The following CA1 variants were observed in gnomAD, a reference collection of about 807,000 sequenced individuals.
CA1 encodes carbonate dehydratase I.
In CA1, 27 loss-of-function variants were observed where a neutral mutation model predicts 28.8. The observed-to-expected ratio is 0.94, with a 90% confidence interval of 0.69 to 1.29. The LOEUF (loss-of-function observed/expected upper bound fraction) is 1.29. Among genes scored for constraint, CA1 ranks in the 50% most tolerant of loss-of-function variants. The probability of loss-of-function intolerance (pLI) is 0.00; values close to 1 mark genes in which losing one functional copy is unlikely to be tolerated. For synonymous variants in CA1, 121 were observed against 108.8 expected (o/e 1.11, Z -0.70); for missense variants, 335 against 310.5 (o/e 1.08, Z -0.59).
chr8:85,342,674 C>G (rs959050239), intron 1 of CA1: 2 of 152,186 alleles, frequency 1.3e-5, no homozygotes, highest in Non-Finnish European at 2.9e-5. Context: ...TTAGGATGTG[C>G]CAGACTCTGG....
rs1056635060 is a variant in CA1 at position 85,355,529 on chromosome 8, C to T, written c.-24-13870G>A. Among the ~76,000 whole-genome samples, 22 of 150,004 alleles carry T rather than the reference C, an allele frequency of 1.5e-4. 1 individual carries two copies. Among genetic ancestry groups the T allele is most frequent in the Middle Eastern group, 7.0e-3 (2 of 286 alleles). The stretch of plus-strand genomic sequence containing the variant: ...TCCCAAGCAGCTGGGACTACAGGTG[C>T]ACGCCACTATGTCTAGTTCCTTTTT... On this transcript the variant is annotated intron_variant, in intron 1 of 7. Transcript: ENST00000523022.
intron 1 of CA1, among the ~76,000 whole-genome samples, chr8:85,354,504 T>A (rs550080503): frequency 6.6e-6 from 1 of 152,128 alleles, no homozygotes; most frequent in Non-Finnish European, 1.5e-5. Flanking sequence ...CTAAAAAATA[T>A]CTGTTTCCTC....
intron 1 of CA1, among the ~76,000 whole-genome samples, chr8:85,343,511 T>C (rs1272992132): frequency 6.6e-6 from 1 of 152,194 alleles, no homozygotes; most frequent in African/African-American, 2.4e-5. Context: ...ATCCTTGGGC[T>C]TACTTCACTC....
At chr8:85,338,965 C>T (rs1808801626) in intron 2 of CA1, among the ~76,000 whole-genome samples, 1 of 152,010 alleles carries the variant, frequency 6.6e-6, no homozygotes, top group African/African-American at 2.4e-5. Context: ...ATCCACCTGC[C>T]TTGGTCTCCC....
chr8:85,337,456 T>G (rs1331869634), intron 3 of CA1, among the ~76,000 whole-genome samples: 1 of 152,198 alleles, frequency 6.6e-6, no homozygotes, highest in Non-Finnish European at 1.5e-5. Context: ...TTTAGTAGTT[T>G]ATTTTGAGTA....
chr8:85,376,866 C>G (rs1037630515), intron 1 of CA1, among the ~76,000 whole-genome samples: 1 of 151,968 alleles, frequency 6.6e-6, no homozygotes, highest in African/African-American at 2.4e-5. Context: ...GACCCTCTCT[C>G]AAATTCTTTA....
intron 6 of CA1, among the ~76,000 whole-genome samples, chr8:85,331,348 G>A (rs1423300631): frequency 6.6e-6 from 1 of 151,370 alleles, no homozygotes; most frequent in Non-Finnish European, 1.5e-5. Flanking sequence ...TCTTTATCCA[G>A]CTTCCCCAAA....
chr8:85,361,670 G>A (rs1496526), intron 1 of CA1, among the ~76,000 whole-genome samples: 120,917 of 152,034 alleles, frequency 0.8, 49,078 homozygotes, highest in African/African-American at 0.93. Flanking sequence ...ATGCCCTCTA[G>A]GTGACAGAGC....
chr8:85,372,294 C>T (rs1361711930), intron 1 of CA1, among the ~76,000 whole-genome samples: 2 of 151,934 alleles, frequency 1.3e-5, no homozygotes, highest in African/African-American at 2.4e-5. Context: ...AAAAAGAAAA[C>T]CAACCAGACA....
At chr8:85,334,857 G>A (rs1808582185) in intron 4 of CA1, among the ~76,000 whole-genome samples, 1 of 152,072 alleles carries the variant, frequency 6.6e-6, no homozygotes, top group African/African-American at 2.4e-5. Context: ...GGGTGTGGTG[G>A]CACATGCCTG....
chr8:85,338,623 TTTCC>T, intron 2 of CA1, among the ~76,000 whole-genome samples, 174 bp from the exon 3 acceptor site: 1 of 150,834 alleles, frequency 6.6e-6, no homozygotes, highest in Non-Finnish European at 1.5e-5. Flanking sequence ...TCTTTCTTTC[TTTCC>T]TTCTTTTTCT....
chr8:85,344,324 AAT>A (rs56299333), intron 1 of CA1, among the ~76,000 whole-genome samples: 1 of 34,170 alleles, frequency 2.9e-5, no homozygotes, highest in African/African-American at 1.0e-4. Flanking sequence ...TACAGTATAT[AAT>A]ATATAATTTG....
intron 1 of CA1, among the ~76,000 whole-genome samples, chr8:85,348,110 T>A (rs1809272872): frequency 6.6e-6 from 1 of 152,214 alleles, no homozygotes; most frequent in Non-Finnish European, 1.5e-5. Context: ...TGCTTTCTCC[T>A]TTAGGAAGAA....
chr8:85,329,491 A>G (rs2291787), intron 7 of CA1, among the ~76,000 whole-genome samples, 198 bp downstream of exon 7: 80,205 of 151,286 alleles, frequency 0.53, 21,443 homozygotes, highest in Middle Eastern at 0.54. Flanking sequence ...TTTTTTCTGC[A>G]TAAAGGCAAA....
intron 4 of CA1, among the ~76,000 whole-genome samples, chr8:85,336,133 T>C (rs1995056): frequency 0.76 from 115,860 of 152,100 alleles, 45,267 homozygotes; most frequent in African/African-American, 0.92. Flanking sequence ...AATACTATGC[T>C]GACAGTAAAA....
intron 1 of CA1, among the ~76,000 whole-genome samples, chr8:85,366,610 T>C (rs918921946): frequency 8.5e-5 from 13 of 152,302 alleles, no homozygotes; most frequent in Non-Finnish European, 1.8e-4. Context: ...TATTCCACTT[T>C]TAGGAGTCTG....
At chr8:85,339,975 T>A (rs933234197) in intron 2 of CA1, among the ~76,000 whole-genome samples, 2 of 152,180 alleles carry the variant, frequency 1.3e-5, no homozygotes, top group African/African-American at 4.8e-5. Context: ...GCCATCTCCA[T>A]AACATGAAAG....
At chr8:85,335,221 C>T (rs1808598796) in intron 4 of CA1, among the ~76,000 whole-genome samples, 1 of 152,016 alleles carries the variant, frequency 6.6e-6, no homozygotes, top group Non-Finnish European at 1.5e-5. Flanking sequence ...CTGCCATTTG[C>T]TACTATATTT....
rs1808689645 is a variant in CA1, at chr8:85,337,050, A to C, written c.249T>G (p.Gly83=). 1 of 1,602,986 alleles carries C rather than the reference A, an allele frequency of 6.2e-7. No homozygotes were observed. Among genetic ancestry groups the C allele is most frequent in the Non-Finnish European group, 8.5e-7 (1 of 1,170,090 alleles). ...AGAGCCTGTAGCTGTCAGAGAAAGGACCACCTTTCAGCACTGGAAGAAAAG... is the reference window on the plus strand; with the variant it reads ...AGAGCCTGTAGCTGTCAGAGAAAGGCCCACCTTTCAGCACTGGAAGAAAAG... ...DNDNRSVLKG[G]PFSDSYRLFQ... is the part of the protein sequence containing the mutation. Residue 83 remains glycine, a synonymous_variant, in exon 4 of 8, where the codon GGT becomes GGG. Coordinates refer to ENST00000523022, the MANE Select transcript of CA1 (RefSeq NM_001128831.4).
Sources: gnomAD v4.1 joint callset for allele counts (sites outside exome capture counted in the v4.1 genomes callset) on GRCh38, gnomAD v4.1.1 for gene constraint, MANE v1.5 for transcripts, NCBI Gene and HGNC (gene_info 2026-07-23, HGNC 2026-07-21) for gene names.